The following DNAH5 variants were observed in gnomAD, a reference collection of about 807,000 sequenced individuals.
The protein encoded by DNAH5 is axonemal beta dynein heavy chain 5.
In DNAH5, 372 loss-of-function variants were observed where a neutral mutation model predicts 518.2. The observed-to-expected ratio is 0.72, with a 90% confidence interval of 0.66 to 0.78. The LOEUF is 0.78. Among genes scored for constraint, DNAH5 ranks in the 30% least tolerant of loss-of-function variants. DNAH5 has a pLI of 0.00. For synonymous variants in DNAH5, 2,039 were observed against 2,025.9 expected (o/e 1.01, Z -0.17); for missense variants, 5,523 against 5,687.0 (o/e 0.97, Z 0.93).
chr5:13,783,183 G>C (rs1471918992), intron 52 of DNAH5, among the ~76,000 whole-genome samples: 2 of 152,180 alleles, frequency 1.3e-5, no homozygotes, highest in Non-Finnish European at 2.9e-5. Context: ...CTTTAAAGAA[G>C]GAGTGAGACA....
chr5:13,732,101 C>CAGAGCAA (rs975099833), intron 68 of DNAH5, among the ~76,000 whole-genome samples: 1 of 131,144 alleles, frequency 7.6e-6, no homozygotes, highest in African/African-American at 3.0e-5. Flanking sequence ...GCTTGGGTGA[C>CAGAGCAA]AGAGCAAGAC....
intron 21 of DNAH5, among the ~76,000 whole-genome samples, chr5:13,878,620 C>T (rs1771226381): frequency 6.6e-6 from 1 of 152,180 alleles, no homozygotes; most frequent in Non-Finnish European, 1.5e-5. Context: ...GCACCAAGTG[C>T]CATAACTTCT....
At chr5:13,979,288 A>G (rs339428) in intron 1 of DNAH5, among the ~76,000 whole-genome samples, 76,436 of 151,992 alleles carry the variant, frequency 0.5, 19,326 homozygotes, top group South Asian at 0.59. Context: ...AATTCCCCCC[A>G]CCATACACGC....
chr5:13,724,676 A>G (rs1309466434), intron 70 of DNAH5, among the ~76,000 whole-genome samples: 1 of 152,330 alleles, frequency 6.6e-6, no homozygotes, highest in East Asian at 1.9e-4. Flanking sequence ...TTTGGGTCAT[A>G]GAGGTGAGTC....
At chr5:13,747,240 A>G (rs949127736) in intron 65 of DNAH5, among the ~76,000 whole-genome samples, 1 of 152,288 alleles carries the variant, frequency 6.6e-6, no homozygotes, top group African/African-American at 2.4e-5. Flanking sequence ...ACGGCTGCAT[A>G]GTATTCCATG....
intron 1 of DNAH5, among the ~76,000 whole-genome samples, chr5:14,004,800 C>T (rs941464401): frequency 6.6e-6 from 1 of 152,198 alleles, no homozygotes; most frequent in Non-Finnish European, 1.5e-5. Context: ...CTTTAGGCAA[C>T]TGACTTAACC....
intron 15 of DNAH5, chr5:13,898,060 GCTTTCCTCAGGAAAGA>G (rs1463823322): frequency 1.3e-5 from 2 of 152,218 alleles, no homozygotes; most frequent in African/African-American, 4.8e-5. Context: ...GTACCTTCCA[GCTTTCCTCAGGAAAGA>G]AACAGAAACT....
chr5:13,782,734 A>G (rs1276613964), intron 52 of DNAH5, among the ~76,000 whole-genome samples: 1 of 152,232 alleles, frequency 6.6e-6, no homozygotes, highest in Admixed American at 6.5e-5. Context: ...AAGGTCTTAC[A>G]TTAAAACACA....
intron 24 of DNAH5, among the ~76,000 whole-genome samples, chr5:13,870,174 G>A (rs1444518136): frequency 1.3e-5 from 2 of 152,144 alleles, no homozygotes; most frequent in Non-Finnish European, 1.5e-5. Flanking sequence ...AGGAGCCATA[G>A]TAAGGATGAA....
At chr5:13,775,137 T>TG (rs1268615464) in intron 55 of DNAH5, among the ~76,000 whole-genome samples, 2 of 151,444 alleles carry the variant, frequency 1.3e-5, no homozygotes, top group Non-Finnish European at 2.9e-5. Flanking sequence ...CTTTTTGTTT[T>TG]TTTTTTTTTT....
chr5:13,859,665 TA>T lies in DNAH5; in HGVS notation c.4797-61del, dbSNP rs1387435633. 3.9e-5 allele frequency: 59 copies of T among 1,530,458 alleles called. No individual in the cohort carries two copies. The South Asian group carries it at 6.3e-4, about 16-fold the overall frequency. The allele number at this position is 1,530,458 out of a possible 1,614,324, so 94.8% of individuals were successfully genotyped here. Reference sequence around the variant, plus strand: ...TTTTTGTTGTGCTGTTGTTTCAAATTAAAAAGGTTTTTAAAAATCTTAATTT... The same window carrying T: ...TTTTTGTTGTGCTGTTGTTTCAAATTAAAAGGTTTTTAAAAATCTTAATTT... On this transcript the variant is annotated intron_variant, in intron 29 of 78. Transcript: ENST00000265104.
rs368784963 is a variant in DNAH5, at chr5:13,917,096, C to A, written c.1089+47G>T. The A allele has an allele frequency of 3.5e-6, 5 of 1,419,506 alleles. No individual in the cohort carries two copies. The East Asian group carries it at 9.1e-5, about 26-fold the overall frequency. 87.9% of individuals were successfully genotyped at this position (1,419,506 alleles called of 1,614,324 possible). On this transcript the variant is annotated intron_variant, in intron 8 of 78. Coordinates refer to ENST00000265104, the MANE Select transcript of DNAH5 (RefSeq NM_001369.3). ...AATTCAATATTCAATTCAGCTAGTG[C>A]AAAAAGGGTTATCTATAGACTGAAA...
In DNAH5 at chr5:13,868,065, G is replaced by T. The variant is rs1365933838; in HGVS notation, c.3835-73C>A. 6 of 1,123,664 alleles carry T rather than the reference G, an allele frequency of 5.3e-6. No individual in the cohort carries two copies. In the East Asian group the frequency reaches 1.3e-4, roughly 24 times the overall value. 69.6% of individuals were successfully genotyped at this position (1,123,664 alleles called of 1,614,324 possible). A position where few individuals can be genotyped will look rare whatever the true frequency, so the allele number is the denominator to read the frequency against. On this transcript the variant is annotated intron_variant, in intron 24 of 78. Coordinates refer to ENST00000265104, the MANE Select transcript of DNAH5 (RefSeq NM_001369.3). The stretch of plus-strand genomic sequence containing the variant: ...ATCTACACACAGCCATTTATTAAAT[G>T]ATAAGAATGGAAAATACCAGAATAA...
In DNAH5 at chr5:13,765,327, T is replaced by G. The variant is rs571765744; in HGVS notation, c.10101+649A>C. 2.0e-5 allele frequency among the ~76,000 whole-genome samples: 3 copies of G among 152,360 alleles called. No individual in the cohort carries two copies. In the South Asian group the frequency reaches 6.2e-4, roughly 32 times the overall value. On this transcript the variant is annotated intron_variant, in intron 59 of 78. Transcript: ENST00000265104. ...CAATGAAAAAAGAAAGACTGTCATT[T>G]GCAACAATAAGAATGAATTTCACAG...
intron 17 of DNAH5, among the ~76,000 whole-genome samples, chr5:13,889,437 G>A (rs906114859): frequency 4.6e-5 from 7 of 152,186 alleles, no homozygotes; most frequent in Admixed American, 2.6e-4. Flanking sequence ...TATGCAGAAA[G>A]GGGTGAACAC....
chr5:13,977,751 C>G (rs1249371989), intron 1 of DNAH5, among the ~76,000 whole-genome samples: 4 of 152,158 alleles, frequency 2.6e-5, no homozygotes, highest in Admixed American at 6.5e-5. Flanking sequence ...CCAACTGTAC[C>G]TGGACACATC....
intron 64 of DNAH5, 130 bp from the exon 65 acceptor site, chr5:13,751,390 G>C: frequency 1.1e-6 from 1 of 912,350 alleles, no homozygotes; most frequent in Non-Finnish European, 1.7e-6. Flanking sequence ...AAAAAGAAAT[G>C]GTCATGAGGC....
chr5:13,822,015 C>G (rs1264161290), intron 40 of DNAH5, among the ~76,000 whole-genome samples: 1 of 152,030 alleles, frequency 6.6e-6, no homozygotes, highest in Admixed American at 6.6e-5. Flanking sequence ...AGGCTAGCCT[C>G]AAGTAATCCC....
At position 13,769,607 on chromosome 5, in the gene DNAH5, G is replaced by C; in HGVS notation, c.9614C>G (p.Thr3205Ser). 1 of 1,613,510 alleles carries C rather than the reference G, an allele frequency of 6.2e-7. No homozygotes were observed. Among genetic ancestry groups the C allele is most frequent in the South Asian group, 1.1e-5 (1 of 91,072 alleles). The change falls in exon 57 of 79, where the codon ACT becomes AGT. Residue 3205 changes from threonine (T) to serine (S), a missense_variant. Around this residue, in one of 3 missense-constraint regions of DNAH5, gnomAD observed 5,121 missense variants for 5,223.3 expected, o/e 0.98. Coordinates refer to ENST00000265104, the MANE Select transcript of DNAH5 (RefSeq NM_001369.3). ...AGCTTCTTTGAGCTTTTCCAATCCA[G>C]TATTCATTCTGGGATTGAAAATCCA... ...EVRTLANRMN[T>S]GLEKLKEASE...
Sources: allele counts gnomAD v4.1 joint callset (sites outside exome capture counted in the v4.1 genomes callset), GRCh38; gene constraint gnomAD v4.1.1; regional missense constraint gnomAD v4.1.1; transcripts MANE v1.5; gene names NCBI Gene and HGNC (gene_info 2026-07-23, HGNC 2026-07-21).